PLCH2: variants seen among roughly 807,000 people sequenced by gnomAD.
PLCH2 encodes the protein 1-phosphatidylinositol 4,5-bisphosphate phosphodiesterase eta-2.
Under a neutral mutation model 134.7 loss-of-function variants are expected in PLCH2, and 98 were observed. The ratio of observed to expected loss-of-function variants is 0.73; its 90% confidence interval spans 0.62 to 0.86. The LOEUF (loss-of-function observed/expected upper bound fraction) is 0.86, where lower values mean the gene tolerates loss of function less well. Among genes scored for constraint, PLCH2 ranks in the 40% least tolerant of loss-of-function variants. The pLI is 0.00. For missense variants in PLCH2, 1,994 were observed against 1,986.6 expected (o/e 1.00, Z -0.07); for synonymous variants, 974 against 827.5 (o/e 1.18, Z -3.04).
intron 2 of PLCH2, among the ~76,000 whole-genome samples, chr1:2,441,147 G>A (rs1440679664): frequency 1.3e-5 from 2 of 152,192 alleles, no homozygotes; most frequent in East Asian, 1.9e-4. Context: ...CAGTGAAAGG[G>A]GTGCTCAGGC....
At chr1:2,503,809 CAG>C (rs1181581113) in intron 21 of PLCH2, 111 bp from the exon 22 acceptor site, 1 of 617,686 alleles carries the variant, frequency 1.6e-6, no homozygotes, top group Non-Finnish European at 2.9e-6. Flanking sequence ...ACCCTCGGCA[CAG>C]GGCACCGGGG....
chr1:2,505,323 G>T lies in PLCH2; in HGVS notation c.*110G>T, dbSNP rs192275874. 7.1e-5 allele frequency: 57 copies of T among 803,662 alleles called. No homozygotes were observed. The East Asian group carries it at 1.2e-3, about 16-fold the overall frequency. 49.8% of individuals were successfully genotyped at this position (803,662 alleles called of 1,614,324 possible). On this transcript the variant is annotated 3_prime_UTR_variant, in exon 22 of 22. Coordinates refer to ENST00000378486, the MANE Select transcript of PLCH2 (RefSeq NM_014638.4). ...CCCCCAAAACTGTGTCCCCCTGGCT[G>T]CCCTGTGTCCCCTCCACCCCTGCCT...
At chr1:2,497,696 A>G (rs1642974680) in intron 16 of PLCH2, 87 bp downstream of exon 16, 3 of 865,168 alleles carry the variant, frequency 3.5e-6, no homozygotes, top group African/African-American at 3.4e-5. Context: ...GGAGCCCCAC[A>G]GGCTAGCAAG....
At chr1:2,495,355 G>T in intron 12 of PLCH2, 133 bp from the exon 13 acceptor site, 1 of 703,992 alleles carries the variant, frequency 1.4e-6, no homozygotes, top group South Asian at 1.8e-5. Context: ...GGCCCAGCCA[G>T]GCGGGATGGA....
At chr1:2,419,867 C>T in the PLCH2 span, among the ~76,000 whole-genome samples, 2 of 152,096 alleles carry the variant, frequency 1.3e-5, no homozygotes, top group Non-Finnish European at 2.9e-5. Context: ...CAGCCCTGGG[C>T]TGGGGCCAGC....
At chr1:2,446,716 C>T (rs1225248770) in intron 2 of PLCH2, among the ~76,000 whole-genome samples, 1 of 152,184 alleles carries the variant, frequency 6.6e-6, no homozygotes, top group East Asian at 1.9e-4. Context: ...GAGAGCTGGC[C>T]AACCTGGGCC....
In PLCH2 at chr1:2,450,895, GT is replaced by G. The variant is rs143569985; in HGVS notation, c.115+20267del. Among the ~76,000 whole-genome samples, 108 of 151,142 alleles carry G rather than the reference GT, an allele frequency of 7.1e-4. No homozygotes were observed. The East Asian group carries it at 0.019, about 26-fold the overall frequency. On this transcript the variant is annotated intron_variant, in intron 2 of 3. Coordinates refer to the PLCH2 transcript ENST00000609981. Reference sequence around the variant, plus strand: ...TTTGGGGACATACCTGTGTCTCTGGGTCTCAGTTTCCTCATCTGTGAAAAGG... The same window carrying G: ...TTTGGGGACATACCTGTGTCTCTGGGCTCAGTTTCCTCATCTGTGAAAAGG...
intron 13 of PLCH2, 127 bp downstream of exon 13, chr1:2,495,697 C>CTTCT: frequency 6.2e-6 from 4 of 640,714 alleles, no homozygotes; most frequent in Non-Finnish European, 1.1e-5. Context: ...TTCTTGGCCC[C>CTTCT]TGGAAGCAGT....
chr1:2,462,357 A>C (rs1570345941), intron 2 of PLCH2, among the ~76,000 whole-genome samples: 1 of 34,614 alleles, frequency 2.9e-5, no homozygotes, highest in Admixed American at 4.2e-4. Flanking sequence ...TCTGCCTGAC[A>C]GCCCCTCTGA....
In PLCH2 at chr1:2,487,592, C is replaced by T; in HGVS notation, c.1115-6C>T. On this transcript the variant is annotated splice_polypyrimidine_tract_variant and splice_region_variant and intron_variant, in intron 7 of 21. Transcript: ENST00000378486. The stretch of plus-strand genomic sequence containing the variant: ...CTGGGGCTGACCAAGGCCTGCCCGC[C>T]TGCAGTGGACTGCTGGGATGGGCCC... 1 of 1,611,062 alleles carries T rather than the reference C, an allele frequency of 6.2e-7. No homozygotes were observed.
Position 2,499,108 on chromosome 1 carries a change from C to A in PLCH2, c.2459C>A (p.Thr820Asn), listed in dbSNP as rs1194800703. Residue 820 changes from threonine (T) to asparagine (N), a missense_variant, in exon 19 of 22, where the codon ACC (threonine) becomes AAC (asparagine). Around this residue, in one of 2 missense-constraint regions of PLCH2, gnomAD observed 1,094 missense variants for 1,234.3 expected, o/e 0.89. Transcript: ENST00000378486. Reference sequence around the variant, plus strand: ...GGGTTCAACCCCACCTGGGAGGAGACCCTGGTTTTCATGGTGCACATGCCG... The same window carrying A: ...GGGTTCAACCCCACCTGGGAGGAGAACCTGGTTTTCATGGTGCACATGCCG... ...DNGFNPTWEE[T>N]LVFMVHMPEI... 1 of 1,611,692 alleles carries A rather than the reference C, an allele frequency of 6.2e-7. No individual in the cohort carries two copies. Among genetic ancestry groups the A allele is most frequent in the Non-Finnish European group, 8.5e-7 (1 of 1,179,288 alleles).
At chr1:2,480,117 G>A in intron 3 of PLCH2, 66 bp from the exon 4 acceptor site, 1 of 1,600,146 alleles carries the variant, frequency 6.2e-7, no homozygotes, top group Non-Finnish European at 8.5e-7. Flanking sequence ...TTCCTCCCTA[G>A]GCCAGAGGGT....
chr1:2,468,419 A>G (rs1276620187), intron 1 of PLCH2, among the ~76,000 whole-genome samples: 1 of 152,228 alleles, frequency 6.6e-6, no homozygotes, highest in Non-Finnish European at 1.5e-5. Context: ...GGGGCTGTTC[A>G]CAGCAGGAGC....
In PLCH2 at chr1:2,476,677, T is replaced by C. The variant is rs1354650173; in HGVS notation, c.89T>C (p.Val30Ala). Residue 30 changes from valine (V) to alanine (A), a missense_variant, in exon 1 of 22, where the codon GTG becomes GCG. Val to Ala is a moderately conservative substitution (Grantham distance 64). Around this residue, in one of 2 missense-constraint regions of PLCH2, gnomAD observed 1,094 missense variants for 1,234.3 expected, o/e 0.89. Coordinates refer to ENST00000378486, the MANE Select transcript of PLCH2 (RefSeq NM_014638.4). Reference sequence around the variant, plus strand: ...GTACTCCTCTGGGTTGGAGGGAGTGTGGTGCTGTCTTCAGAGTGGCAGCTC... The same window carrying C: ...GTACTCCTCTGGGTTGGAGGGAGTGCGGTGCTGTCTTCAGAGTGGCAGCTC... The part of the protein sequence containing the change: ...AEVLLWVGGS[V>A]VLSSEWQLGP... The C allele has an allele frequency of 6.2e-7, 1 of 1,610,662 alleles. No individual in the cohort carries two copies.
chr1:2,419,593 C>A, the PLCH2 span, among the ~76,000 whole-genome samples: 1 of 152,030 alleles, frequency 6.6e-6, no homozygotes, highest in African/African-American at 2.4e-5. Context: ...CAGGCAGGGG[C>A]CCGGGGCTCT....
chr1:2,486,836 T>G, intron 5 of PLCH2, 71 bp from the exon 6 acceptor site: 1 of 1,174,522 alleles, frequency 8.5e-7, no homozygotes, highest in Non-Finnish European at 1.2e-6. Flanking sequence ...ACAGTGGTGA[T>G]GGGGGAGCTG....
intron 2 of PLCH2, among the ~76,000 whole-genome samples, chr1:2,440,163 C>T (rs1348337339): frequency 6.6e-6 from 1 of 152,158 alleles, no homozygotes. Flanking sequence ...GGTCCAGCTG[C>T]AGGGGTGGGT....
Position 2,476,501 on chromosome 1 carries a change from G to T in PLCH2, c.-88G>T, listed in dbSNP as rs769160694. On this transcript the variant is annotated 5_prime_UTR_variant, in exon 1 of 22. Coordinates refer to ENST00000378486, the MANE Select transcript of PLCH2 (RefSeq NM_014638.4). Reference sequence around the variant, plus strand: ...GAGAAGGCCCCACGGAGGTCCTGTCGCCAGCGCTGCCACTGCCTGACCTCC... The same window carrying T: ...GAGAAGGCCCCACGGAGGTCCTGTCTCCAGCGCTGCCACTGCCTGACCTCC... 1.5e-6 allele frequency: 2 copies of T among 1,309,960 alleles called. No individual in the cohort carries two copies. Among genetic ancestry groups the T allele is most frequent in the African/African-American group, 1.5e-5 (1 of 66,556 alleles). 81.1% of individuals were successfully genotyped at this position (1,309,960 alleles called of 1,614,324 possible). A position where few individuals can be genotyped will look rare whatever the true frequency, so the allele number is the denominator to read the frequency against.
intron 2 of PLCH2, among the ~76,000 whole-genome samples, chr1:2,454,655 G>A (rs1640401594): frequency 6.6e-6 from 1 of 152,158 alleles, no homozygotes; most frequent in Non-Finnish European, 1.5e-5. Flanking sequence ...AGTGGGGAGG[G>A]GCCAGGACCT....
Sources: allele counts gnomAD v4.1 joint callset (sites outside exome capture counted in the v4.1 genomes callset), GRCh38; gene constraint gnomAD v4.1.1; regional missense constraint gnomAD v4.1.1; transcripts MANE v1.5; gene names NCBI Gene and HGNC (gene_info 2026-07-23, HGNC 2026-07-21).